The following EXOC6 variants were observed in gnomAD, a reference collection of about 807,000 sequenced individuals.
EXOC6 encodes the protein SEC15-like 1.
A neutral mutation model predicts 112.5 loss-of-function variants in EXOC6; 60 were observed. The ratio of observed to expected loss-of-function variants is 0.53; its 90% CI spans 0.43 to 0.66. The LOEUF (loss-of-function observed/expected upper bound fraction) is 0.66. EXOC6 is among the 30% of genes least tolerant of loss of function. The pLI, the probability that EXOC6 is intolerant of heterozygous loss-of-function variation, is 0.00. For synonymous variants in EXOC6, 295 were observed against 308.0 expected (o/e 0.96, Z 0.44); for missense variants, 855 against 957.1 (o/e 0.89, Z 1.41).
intron 19 of EXOC6, among the ~76,000 whole-genome samples, chr10:93,006,405 T>C (rs956509358): frequency 1.3e-5 from 2 of 152,204 alleles, no homozygotes; most frequent in African/African-American, 4.8e-5. Flanking sequence ...GATACCTGAA[T>C]TTGATACCTA....
At chr10:93,050,117 C>T (rs182490883) in intron 20 of EXOC6, among the ~76,000 whole-genome samples, 15 of 151,870 alleles carry the variant, frequency 9.9e-5, no homozygotes, top group Admixed American at 9.8e-4. Context: ...CAAAAATAGA[C>T]AAAAATGGTA....
intron 18 of EXOC6, among the ~76,000 whole-genome samples, chr10:92,975,138 C>G (rs192474760): frequency 6.6e-6 from 1 of 151,764 alleles, no homozygotes; most frequent in Non-Finnish European, 1.5e-5. Context: ...TCTTCCCGGC[C>G]GCCATCCCAT....
intron 18 of EXOC6, among the ~76,000 whole-genome samples, chr10:92,987,858 A>C (rs1301538699): frequency 4.6e-5 from 7 of 151,926 alleles, no homozygotes; most frequent in Admixed American, 4.6e-4. Flanking sequence ...AAAGCACTGC[A>C]CTCACCTCAA....
chr10:92,895,131 C>G, intron 4 of EXOC6, 111 bp downstream of exon 4: 1 of 705,034 alleles, frequency 1.4e-6, no homozygotes. Flanking sequence ...GTGATTGCCT[C>G]ACAACAAAGA....
Position 92,895,010 on chromosome 10 carries a change from A to C in EXOC6, c.402A>C (p.Leu134Phe). ...CAACTGTAGTAGAAAAATTGCAGTTATGCCTTCCTGGTGAGTTAAACTTGT... is the reference window on the plus strand; with the variant it reads ...CAACTGTAGTAGAAAAATTGCAGTTCTGCCTTCCTGGTGAGTTAAACTTGT... ...NITTVVEKLQ[L>F]CLPVLEMYSK... Residue 134 changes from leucine to phenylalanine, a missense_variant, in exon 4 of 22, where the codon TTA becomes TTC. Physicochemically the swap from Leu to Phe is conservative, Grantham distance 22. Transcript: ENST00000260762. The C allele has an allele frequency of 6.2e-7, 1 of 1,601,158 alleles. No individual in the cohort carries two copies. Among genetic ancestry groups the C allele is most frequent in the Non-Finnish European group, 8.6e-7 (1 of 1,168,520 alleles).
chr10:92,843,940 G>A (rs188430602), upstream of EXOC6, among the ~76,000 whole-genome samples: 67 of 129,900 alleles, frequency 5.2e-4, no homozygotes, highest in African/African-American at 1.6e-3. Flanking sequence ...CTGCACCACC[G>A]CACTCCAGCC....
At chr10:93,006,784 A>G (rs1369245015) in intron 19 of EXOC6, among the ~76,000 whole-genome samples, 2 of 152,244 alleles carry the variant, frequency 1.3e-5, no homozygotes, top group African/African-American at 4.8e-5. Context: ...ATGAAATTAC[A>G]AGAAGTATCT....
chr10:92,863,914 CA>C lies in EXOC6; in HGVS notation c.101+15293del, dbSNP rs756843855. 5.5e-3 allele frequency among the ~76,000 whole-genome samples: 280 copies of C among 50,752 alleles called. 1 individual carries two copies. Among genetic ancestry groups the C allele is most frequent in the Non-Finnish European group, 8.8e-3 (208 of 23,528 alleles). The allele number at this position is 50,752 out of a possible 152,430, so 33.3% of individuals were successfully genotyped here. A position where few individuals can be genotyped will look rare whatever the true frequency, so the allele number is the denominator to read the frequency against. Reference sequence around the variant, plus strand: ...TGGGCGACGGAGCGAGACTCCATCTCAAAAAAAAAAAAACAAAACAAAAAAA... The same window carrying C: ...TGGGCGACGGAGCGAGACTCCATCTCAAAAAAAAAAAACAAAACAAAAAAA... On this transcript the variant is annotated intron_variant, in intron 1 of 21. Coordinates refer to ENST00000260762, the MANE Select transcript of EXOC6 (RefSeq NM_019053.6).
chr10:92,930,082 A>G (rs1486888355), intron 9 of EXOC6, among the ~76,000 whole-genome samples: 1 of 152,268 alleles, frequency 6.6e-6, no homozygotes, highest in African/African-American at 2.4e-5. Context: ...AACTATTATC[A>G]GCTGTCTTGA....
intron 13 of EXOC6, among the ~76,000 whole-genome samples, chr10:92,943,849 C>G (rs1322574262): frequency 6.6e-6 from 1 of 152,102 alleles, no homozygotes; most frequent in Non-Finnish European, 1.5e-5. Flanking sequence ...TGAAACTGTA[C>G]TCTTTGACAA....
upstream of EXOC6, among the ~76,000 whole-genome samples, chr10:92,845,118 C>G (rs61860809): frequency 5.9e-5 from 9 of 152,206 alleles, no homozygotes; most frequent in Admixed American, 1.3e-4. Flanking sequence ...TATCTTTCTT[C>G]TTCCAGGAGT....
chr10:93,044,912 G>C (rs1026173338), intron 20 of EXOC6, among the ~76,000 whole-genome samples: 16 of 152,136 alleles, frequency 1.1e-4, no homozygotes, highest in Non-Finnish European at 1.5e-5. Flanking sequence ...TCATTCTGTT[G>C]TCCAGGCTGG....
intron 14 of EXOC6, among the ~76,000 whole-genome samples, chr10:92,948,800 T>G (rs992567841): frequency 2.1e-5 from 2 of 97,064 alleles, no homozygotes; most frequent in Non-Finnish European, 1.9e-5. Flanking sequence ...TTGAATTGTT[T>G]ATCACTGTGG....
At chr10:92,936,020 T>C (rs906127347) in intron 12 of EXOC6, 135 bp downstream of exon 12, 17 of 592,342 alleles carry the variant, frequency 2.9e-5, no homozygotes, top group Admixed American at 1.0e-4. Flanking sequence ...CATATTGATA[T>C]TCTGCTATTA....
chr10:92,969,510 C>T (rs992006338), intron 17 of EXOC6, among the ~76,000 whole-genome samples: 2 of 152,130 alleles, frequency 1.3e-5, no homozygotes, highest in African/African-American at 4.8e-5. Flanking sequence ...GGAACAGCCA[C>T]CACATAAATA....
chr10:93,045,647 T>C (rs1371859422), intron 20 of EXOC6, among the ~76,000 whole-genome samples: 8 of 152,230 alleles, frequency 5.3e-5, no homozygotes. Context: ...TGGAGCAAAG[T>C]GACTTATCAG....
intron 14 of EXOC6, among the ~76,000 whole-genome samples, chr10:92,951,628 A>G (rs563100925): frequency 1.2e-3 from 180 of 152,294 alleles, no homozygotes; most frequent in African/African-American, 4.2e-3. Flanking sequence ...AATAGAAAAG[A>G]GGGTTTTTTT....
chr10:93,058,398 A>G lies in EXOC6; in HGVS notation c.*43A>G, dbSNP rs1321935224. The stretch of plus-strand genomic sequence containing the variant: ...CTCAGTGACACCAAATCCATGATTC[A>G]ATGTTGATCTTGAGCAAGTATTGGT... On this transcript the variant is annotated 3_prime_UTR_variant, in exon 22 of 22. Transcript: ENST00000260762. 4 of 1,530,954 alleles carry G rather than the reference A, an allele frequency of 2.6e-6. No homozygotes were observed. The highest frequency in any genetic ancestry group is 2.6e-6 in the Non-Finnish European group (3 of 1,141,494). 94.8% of individuals were successfully genotyped at this position (1,530,954 alleles called of 1,614,324 possible). A position where few individuals can be genotyped will look rare whatever the true frequency, so the allele number is the denominator to read the frequency against.
intron 20 of EXOC6, among the ~76,000 whole-genome samples, chr10:93,017,947 T>G (rs1423930057): frequency 7.3e-5 from 11 of 151,094 alleles, no homozygotes; most frequent in Non-Finnish European, 1.2e-4. Flanking sequence ...GAGGCAGAGG[T>G]TGCAGTGAGC....
Sources: gnomAD v4.1 joint callset for allele counts (sites outside exome capture counted in the v4.1 genomes callset) on GRCh38, gnomAD v4.1.1 for gene constraint, MANE v1.5 for transcripts, NCBI Gene and HGNC (gene_info 2026-07-23, HGNC 2026-07-21) for gene names.